The following KTN1 variants were observed in gnomAD, a reference collection of about 807,000 sequenced individuals.
KTN1 encodes the protein kinectin.
A neutral mutation model predicts 222.5 loss-of-function variants in KTN1; 130 were observed. The ratio of observed to expected loss-of-function variants is 0.58; its 90% confidence interval spans 0.51 to 0.68. The LOEUF (loss-of-function observed/expected upper bound fraction) is 0.68, where lower values mean the gene tolerates loss of function less well. Among genes scored for constraint, KTN1 ranks in the 30% least tolerant of loss-of-function variants. KTN1 has a pLI of 0.00. For missense variants in KTN1, 1,508 were observed against 1,500.4 expected (o/e 1.01, Z -0.08); for synonymous variants, 512 against 496.3 (o/e 1.03, Z -0.42).
chr14:55,598,519 A>C (rs1423800545), intron 1 of KTN1, among the ~76,000 whole-genome samples: 1 of 150,468 alleles, frequency 6.6e-6, no homozygotes, highest in Non-Finnish European at 1.5e-5. Flanking sequence ...AAAAAAAATT[A>C]CATTCTGGAT....
intron 19 of KTN1, among the ~76,000 whole-genome samples, chr14:55,647,628 T>G (rs1595085876): frequency 1.2e-5 from 1 of 84,278 alleles, no homozygotes; most frequent in South Asian, 4.5e-4. Flanking sequence ...AGTGAAACTC[T>G]GCCTCAAAAA....
intron 29 of KTN1, 56 bp from the exon 30 acceptor site, chr14:55,658,490 A>G (rs1232434161): frequency 9.9e-7 from 1 of 1,014,812 alleles, no homozygotes. Context: ...TGTATGATCT[A>G]AGTTTATGTG....
In KTN1 at chr14:55,636,435, T is replaced by G. The variant is rs1416150179; in HGVS notation, c.1462-14T>G. ...TTGTGCTAATTTATCCTTTCTCCCTTTTAAAATACCAAGGTTCAACTACAA... is the reference window on the plus strand; with the variant it reads ...TTGTGCTAATTTATCCTTTCTCCCTGTTAAAATACCAAGGTTCAACTACAA... On this transcript the variant is annotated splice_polypyrimidine_tract_variant and intron_variant, in intron 9 of 43. Transcript: ENST00000395314. The G allele has an allele frequency of 6.3e-7, 1 of 1,593,932 alleles. No individual in the cohort carries two copies. The highest frequency in any genetic ancestry group is 1.3e-5 in the African/African-American group (1 of 74,520).
At chr14:55,593,744 CT>C (rs917716012) in intron 1 of KTN1, among the ~76,000 whole-genome samples, 2 of 149,640 alleles carry the variant, frequency 1.3e-5, no homozygotes. Context: ...GTTTTGTTGT[CT>C]TTTTTTTTTC....
In KTN1 at chr14:55,630,102, AT is replaced by A; in HGVS notation, c.1221+9del. ...ACTCAACAGATGCAGATGAAGGTAT[AT>A]TTTCATTCTTTGGAAACAAGATGAA... On this transcript the variant is annotated splice_donor_region_variant and intron_variant, in intron 7 of 43. Coordinates refer to ENST00000395314, the MANE Select transcript of KTN1 (RefSeq NM_001079521.2). The A allele has an allele frequency of 1.2e-6, 2 of 1,610,016 alleles. No homozygotes were observed. The highest frequency in any genetic ancestry group is 8.5e-7 in the Non-Finnish European group (1 of 1,177,708).
chr14:55,679,301 A>T, intron 42 of KTN1: 1 of 331,972 alleles, frequency 3.0e-6, no homozygotes, highest in Non-Finnish European at 5.4e-6. Flanking sequence ...TATATTTCTG[A>T]TATTCATAGA....
intron 29 of KTN1, among the ~76,000 whole-genome samples, chr14:55,657,443 G>A (rs1397510307): frequency 6.9e-6 from 1 of 145,482 alleles, no homozygotes; most frequent in Non-Finnish European, 1.5e-5. Context: ...TATGTAATAA[G>A]GGAAATTAAA....
chr14:55,593,820 C>T (rs931018204), intron 1 of KTN1, among the ~76,000 whole-genome samples: 2 of 151,676 alleles, frequency 1.3e-5, no homozygotes, highest in African/African-American at 2.4e-5. Flanking sequence ...TTTCTCCCCT[C>T]TCCTCCCCTC....
At chr14:55,585,079 C>G (rs2032666130) in intron 1 of KTN1, among the ~76,000 whole-genome samples, 1 of 139,958 alleles carries the variant, frequency 7.1e-6, no homozygotes, top group Admixed American at 8.0e-5. Flanking sequence ...TTGCAGTGAG[C>G]TGAGATGGTG....
chr14:55,665,978 G>A (rs1393974549), intron 33 of KTN1, among the ~76,000 whole-genome samples: 3 of 151,434 alleles, frequency 2.0e-5, no homozygotes, highest in African/African-American at 4.8e-5. Flanking sequence ...TTTCCTAACC[G>A]GTTTTCTTTA....
chr14:55,604,811 T>C (rs1331865769), intron 1 of KTN1, among the ~76,000 whole-genome samples: 2 of 152,144 alleles, frequency 1.3e-5, no homozygotes, highest in Admixed American at 6.5e-5. Flanking sequence ...TAGGTGGAGA[T>C]TTCATACAAA....
rs2035572440 is a variant in KTN1, at chr14:55,599,262, T to C, written c.-30-12757T>C. Among the ~76,000 whole-genome samples, 2 of 152,220 alleles carry C rather than the reference T, an allele frequency of 1.3e-5. 1 individual carries two copies. The highest frequency in any genetic ancestry group is 4.1e-4 in the South Asian group (2 of 4,830). ...TTTGTTTTAATAGTCTTTCACATTC[T>C]GTTATCAGTTTTTTGGGATCTACTC... On this transcript the variant is annotated intron_variant, in intron 1 of 43. Transcript: ENST00000395314.
At chr14:55,620,599 GC>G in intron 5 of KTN1, among the ~76,000 whole-genome samples, 1 of 152,250 alleles carries the variant, frequency 6.6e-6, no homozygotes. Context: ...AGCTGCTAAG[GC>G]TTGGGGCTTG....
At chr14:55,635,141 A>G (rs531027867) in intron 9 of KTN1, among the ~76,000 whole-genome samples, 1 of 152,306 alleles carries the variant, frequency 6.6e-6, no homozygotes, top group Non-Finnish European at 1.5e-5. Context: ...TTGAAGCTTA[A>G]TGGGACCTGT....
At position 55,634,563 on chromosome 14, in the gene KTN1, G is replaced by T. The variant is rs148994177; in HGVS notation, c.1366G>T (p.Ala456Ser). ...AELNKLRQDYARLVNELTEKT... is the reference protein window; with the variant it reads ...AELNKLRQDYSRLVNELTEKT... ...ACTAAATAAACTACGCCAGGATTAT[G>T]CTAGGTTGGTGAATGAGCTGACTGA... The change falls in exon 9 of 44, where the codon GCT becomes TCT. Residue 456 changes from alanine (A) to serine (S), a missense_variant. Coordinates refer to ENST00000395314, the MANE Select transcript of KTN1 (RefSeq NM_001079521.2). 7 of 1,613,938 alleles carry T rather than the reference G, an allele frequency of 4.3e-6. No individual in the cohort carries two copies. Among genetic ancestry groups the T allele is most frequent in the Non-Finnish European group, 5.9e-6 (7 of 1,179,912 alleles).
At chr14:55,607,390 G>A (rs2036887773) in intron 1 of KTN1, 1 of 152,106 alleles carries the variant, frequency 6.6e-6, no homozygotes, top group African/African-American at 2.4e-5. Context: ...ATATAGAGCA[G>A]GATTTTAAAC....
chr14:55,605,363 G>A (rs1293940066), intron 1 of KTN1, among the ~76,000 whole-genome samples: 1 of 152,120 alleles, frequency 6.6e-6, no homozygotes, highest in Non-Finnish European at 1.5e-5. Context: ...GCTCGTTTCT[G>A]CTGCCTCTTG....
At chr14:55,647,643 A>C (rs1456192760) in intron 19 of KTN1, among the ~76,000 whole-genome samples, 2 of 145,074 alleles carry the variant, frequency 1.4e-5, no homozygotes, top group East Asian at 4.1e-4. Context: ...CAAAAAAAAA[A>C]AAAAAAAAAA....
chr14:55,643,456 T>C (rs1427391046), intron 18 of KTN1, among the ~76,000 whole-genome samples: 1 of 152,188 alleles, frequency 6.6e-6, no homozygotes, highest in Non-Finnish European at 1.5e-5. Flanking sequence ...TGTGTGTGTG[T>C]TCTTACTTGG....
Sources: gnomAD v4.1 joint callset for allele counts (sites outside exome capture counted in the v4.1 genomes callset) on GRCh38, gnomAD v4.1.1 for gene constraint, MANE v1.5 for transcripts, NCBI Gene and HGNC (gene_info 2026-07-23, HGNC 2026-07-21) for gene names.